ELP1: variants seen among roughly 807,000 people sequenced by gnomAD.
ELP1 encodes the protein elongator complex protein 1.
ELP1 carries 131 observed loss-of-function variants against 183.2 expected under a neutral mutation model. That is an observed-to-expected ratio of 0.72 (90% CI 0.62 to 0.83). The LOEUF (loss-of-function observed/expected upper bound fraction) is 0.83, where lower values mean the gene tolerates loss of function less well. Ranked by LOEUF, ELP1 falls within the 40% of genes least tolerant of loss-of-function variation. The pLI is 0.00. For missense variants in ELP1, 1,550 were observed against 1,594.9 expected, an observed-to-expected ratio of 0.97 and a Z score of 0.48; for synonymous variants, 555 against 569.0, an observed-to-expected ratio of 0.98 and a Z score of 0.35.
At chr9:108,905,387 A>G (rs967954794) in intron 14 of ELP1, among the ~76,000 whole-genome samples, 7 of 152,212 alleles carry the variant, frequency 4.6e-5, no homozygotes, top group African/African-American at 1.7e-4. Context: ...TATCAACTAT[A>G]CAACAGGGCT....
intron 6 of ELP1, among the ~76,000 whole-genome samples, chr9:108,921,501 T>C (rs1394212073): frequency 6.6e-6 from 1 of 151,982 alleles, no homozygotes; most frequent in Non-Finnish European, 1.5e-5. Flanking sequence ...ACTTGTTGCT[T>C]ATAGCAAGAA....
At chr9:108,872,804 G>GAAAAAA (rs58139943) in intron 36 of ELP1, among the ~76,000 whole-genome samples, 2 of 83,378 alleles carry the variant, frequency 2.4e-5, no homozygotes, top group East Asian at 3.2e-4. Context: ...GACTCTGTCT[G>GAAAAAA]AAAAAAAAAA....
chr9:108,911,661 T>C (rs558862444), intron 11 of ELP1, among the ~76,000 whole-genome samples: 4 of 152,310 alleles, frequency 2.6e-5, no homozygotes, highest in Admixed American at 2.0e-4. Flanking sequence ...CACCTCACAT[T>C]ACAATCTTAG....
chr9:108,918,397 T>C (rs1829525982), intron 8 of ELP1, among the ~76,000 whole-genome samples: 1 of 152,140 alleles, frequency 6.6e-6, no homozygotes, highest in African/African-American at 2.4e-5. Context: ...GTAGGAATTT[T>C]GTGCCAAGGA....
chr9:108,915,403 C>T (rs536508351), intron 10 of ELP1, among the ~76,000 whole-genome samples: 1 of 152,336 alleles, frequency 6.6e-6, no homozygotes, highest in South Asian at 2.1e-4. Flanking sequence ...GGGAAGGTCC[C>T]ATTCATTCAG....
At chr9:108,905,197 C>G (rs1828973822) in intron 14 of ELP1, among the ~76,000 whole-genome samples, 1 of 152,106 alleles carries the variant, frequency 6.6e-6, no homozygotes, top group Admixed American at 6.5e-5. Flanking sequence ...TGTTTTATGT[C>G]TATAAATTTA....
intron 30 of ELP1, 32 bp downstream of exon 30, chr9:108,882,093 C>T: frequency 2.5e-6 from 4 of 1,591,266 alleles, no homozygotes; most frequent in Non-Finnish European, 3.4e-6. Flanking sequence ...CTGCTTAGCA[C>T]CCAACATCCA....
intron 31 of ELP1, 101 bp from the exon 32 acceptor site, chr9:108,880,266 G>C (rs1827875488): frequency 1.3e-6 from 1 of 782,932 alleles, no homozygotes; most frequent in Non-Finnish European, 2.3e-6. Flanking sequence ...TCAGCAAAAA[G>C]AAAGAGGTTA....
intron 11 of ELP1, 142 bp from the exon 12 acceptor site, chr9:108,911,322 A>C: frequency 1.2e-6 from 1 of 851,782 alleles, no homozygotes; most frequent in South Asian, 1.5e-5. Flanking sequence ...GAACAAGTCT[A>C]AAAACAGTGT....
intron 29 of ELP1, among the ~76,000 whole-genome samples, chr9:108,885,946 C>T (rs1025344776): frequency 7.2e-4 from 109 of 152,256 alleles, no homozygotes; most frequent in Non-Finnish European, 7.4e-5. Flanking sequence ...AAGGTTTTTC[C>T]ACTCCTTCTT....
At chr9:108,900,701 C>A (rs1828745799) in intron 18 of ELP1, among the ~76,000 whole-genome samples, 1 of 152,094 alleles carries the variant, frequency 6.6e-6, no homozygotes. Context: ...AAGAAAGATT[C>A]CCTATTTCCA....
At position 108,889,324 on chromosome 9, in the gene ELP1, G is replaced by T; in HGVS notation, c.3222+8C>A. The stretch of plus-strand genomic sequence containing the variant: ...CTGGGGGGTTTAGAAGGGAGGAATT[G>T]AGTTTACCTGGGCACACTCTTCCAA... On this transcript the variant is annotated splice_region_variant and intron_variant, in intron 29 of 36. Transcript: ENST00000374647. The T allele has an allele frequency of 6.2e-7, 1 of 1,613,400 alleles. No individual in the cohort carries two copies. Among genetic ancestry groups the T allele is most frequent in the Non-Finnish European group, 8.5e-7 (1 of 1,179,372 alleles).
intron 35 of ELP1, among the ~76,000 whole-genome samples, chr9:108,877,572 A>C (rs958256): frequency 0.22 from 33,113 of 152,080 alleles, 4,008 homozygotes; most frequent in African/African-American, 0.32. Context: ...CATAGAAGTG[A>C]CAAGTCAAAT....
chr9:108,879,433 A>G lies in ELP1; in HGVS notation c.3572+13T>C. On this transcript the variant is annotated intron_variant, in intron 33 of 36. Transcript: ENST00000374647. ...AGGATATAGTCAATGTGCTGAATCA[A>G]TGTGATACGTACGCTGATATCCTGG... The G allele has an allele frequency of 6.3e-7, 1 of 1,576,240 alleles. No individual in the cohort carries two copies. The highest frequency in any genetic ancestry group is 8.7e-7 in the Non-Finnish European group (1 of 1,145,402).
chr9:108,912,637 C>A (rs1463031105), intron 10 of ELP1, 143 bp from the exon 11 acceptor site: 1 of 668,916 alleles, frequency 1.5e-6, no homozygotes, highest in Non-Finnish European at 2.7e-6. Flanking sequence ...ACAATAATAA[C>A]TGCCAAAAAA....
intron 34 of ELP1, 23 bp downstream of exon 34, chr9:108,878,600 C>G: frequency 6.2e-7 from 1 of 1,614,138 alleles, no homozygotes; most frequent in Non-Finnish European, 8.5e-7. Flanking sequence ...GGTCAGGAAT[C>G]ATCATCAGGA....
At chr9:108,914,413 A>AG (rs762220846) in intron 10 of ELP1, among the ~76,000 whole-genome samples, 5,448 of 88,100 alleles carry the variant, frequency 0.062, 89 homozygotes, top group African/African-American at 0.11. Flanking sequence ...AAAAAAAAAA[A>AG]GGGGGGGGGG....
rs758544437 is a variant in ELP1, at chr9:108,898,586, CA to C, written c.2284-6del. The C allele has an allele frequency of 6.2e-6, 10 of 1,606,634 alleles. No individual in the cohort carries two copies. Among genetic ancestry groups the C allele is most frequent in the Non-Finnish European group, 8.5e-6 (10 of 1,174,024 alleles). ...TTCCACATTTCCAAGAAACACCTAC[CA>C]AAAAAAGGACAAAACATCTTCGTTC... On this transcript the variant is annotated splice_polypyrimidine_tract_variant and splice_region_variant and intron_variant, in intron 21 of 36. Transcript: ENST00000374647.
At position 108,903,498 on chromosome 9, in the gene ELP1, C is replaced by A. The variant is rs1032722199; in HGVS notation, c.1750+65G>T. The A allele has an allele frequency of 4.7e-6, 5 of 1,069,788 alleles. No individual in the cohort carries two copies. In the Admixed American group the frequency reaches 8.5e-5, roughly 18 times the overall value. The allele number at this position is 1,069,788 out of a possible 1,614,324, so 66.3% of individuals were successfully genotyped here. A position where few individuals can be genotyped will look rare whatever the true frequency, so the allele number is the denominator to read the frequency against. On this transcript the variant is annotated intron_variant, in intron 15 of 36. Coordinates refer to ENST00000374647, the MANE Select transcript of ELP1 (RefSeq NM_003640.5). The stretch of plus-strand genomic sequence containing the variant: ...ATATTGAACTGACAAGATACAAGTA[C>A]ATGTTCTTAAGAACTAAGCATCTAT...
Sources: gnomAD v4.1 joint callset for allele counts (sites outside exome capture counted in the v4.1 genomes callset) on GRCh38, gnomAD v4.1.1 for gene constraint, MANE v1.5 for transcripts, NCBI Gene and HGNC (gene_info 2026-07-23, HGNC 2026-07-21) for gene names.